Variants in IPCEF1 observed in about 807,000 individuals in gnomAD.
IPCEF1 encodes the protein interaction protein for cytohesin exchange factors 1, also known as interactor protein for cytohesin exchange factors 1.
Under a neutral mutation model 50.9 loss-of-function variants are expected in IPCEF1, and 31 were observed. That is an observed-to-expected ratio of 0.61 (90% CI 0.46 to 0.82). The LOEUF is 0.82. Among genes scored for constraint, IPCEF1 ranks in the 40% least tolerant of loss-of-function variants. The pLI is 0.00. For missense variants in IPCEF1, 458 were observed against 514.0 expected (o/e 0.89, Z 1.05); for synonymous variants, 181 against 192.0 (o/e 0.94, Z 0.47).
Position 154,157,856 on chromosome 6 carries a change from T to G in IPCEF1, c.*1972A>C, listed in dbSNP as rs1798777912. ...TCAGTAATTTCCAGGGGCAAAAGGTTAAAGCACTGCTTTCCTAAACCAGGG... is the reference window on the plus strand; with the variant it reads ...TCAGTAATTTCCAGGGGCAAAAGGTGAAAGCACTGCTTTCCTAAACCAGGG... On this transcript the variant is annotated 3_prime_UTR_variant, in exon 12 of 12. Transcript: ENST00000367220. The G allele has an allele frequency of 6.6e-6, 1 of 152,234 alleles. No homozygotes were observed. The highest frequency in any genetic ancestry group is 1.5e-5 in the Non-Finnish European group (1 of 68,050). The allele number at this position is 152,234 out of a possible 1,614,324, so 9.4% of individuals were successfully genotyped here. A position where few individuals can be genotyped will look rare whatever the true frequency, so the allele number is the denominator to read the frequency against.
chr6:154,252,785 G>A lies in IPCEF1; in HGVS notation c.37-5297C>T, dbSNP rs191320222. ...CAAGACCAATCCGAGTGGGTTGAGA[G>A]ATGAGTGGGAATTGAAGAAATAAAG... On this transcript the variant is annotated intron_variant, in intron 3 of 11. Coordinates refer to ENST00000367220, the MANE Select transcript of IPCEF1 (RefSeq NM_001130700.2). Among the ~76,000 whole-genome samples, 469 of 152,326 alleles carry A rather than the reference G, an allele frequency of 3.1e-3. 2 individuals carry two copies. Among genetic ancestry groups the A allele is most frequent in the Admixed American group, 5.6e-3 (86 of 15,308 alleles).
intron 7 of IPCEF1, among the ~76,000 whole-genome samples, chr6:154,216,035 C>T (rs1778365677): frequency 6.6e-6 from 1 of 152,026 alleles, no homozygotes; most frequent in African/African-American, 2.4e-5. Context: ...AACATGAAAA[C>T]TGATACAGCC....
At chr6:154,333,298 T>A (rs889161107) in intron 1 of IPCEF1, among the ~76,000 whole-genome samples, 2 of 151,858 alleles carry the variant, frequency 1.3e-5, no homozygotes, top group African/African-American at 4.8e-5. Flanking sequence ...GCAGATCCAC[T>A]CTTAATCTCG....
chr6:154,278,932 T>C (rs976336530), intron 2 of IPCEF1, among the ~76,000 whole-genome samples: 6 of 140,246 alleles, frequency 4.3e-5, no homozygotes, highest in Non-Finnish European at 9.2e-5. Context: ...CTGGGCAACA[T>C]GGTGAAACCC....
At chr6:154,233,116 G>A (rs1467135937) in intron 5 of IPCEF1, among the ~76,000 whole-genome samples, 2 of 151,958 alleles carry the variant, frequency 1.3e-5, no homozygotes. Context: ...TTACAGGCAT[G>A]TGCCGCCACG....
At chr6:154,229,577 C>T (rs965719557) in intron 5 of IPCEF1, among the ~76,000 whole-genome samples, 6 of 151,770 alleles carry the variant, frequency 4.0e-5, no homozygotes, top group Admixed American at 3.3e-4. Flanking sequence ...AGGACGGTCT[C>T]GATCTCCTGA....
intron 1 of IPCEF1, among the ~76,000 whole-genome samples, chr6:154,337,184 C>G (rs547886794): frequency 2.6e-5 from 4 of 152,156 alleles, no homozygotes; most frequent in African/African-American, 9.6e-5. Flanking sequence ...AATTATAAAA[C>G]AGCCAGAGCT....
intron 3 of IPCEF1, among the ~76,000 whole-genome samples, chr6:154,258,883 A>G (rs1458265523): frequency 6.6e-6 from 1 of 152,238 alleles, no homozygotes; most frequent in Non-Finnish European, 1.5e-5. Flanking sequence ...CACCTAGCCC[A>G]ATGACTGACA....
chr6:154,249,988 C>G (rs1433821448), intron 3 of IPCEF1, among the ~76,000 whole-genome samples: 1 of 151,332 alleles, frequency 6.6e-6, no homozygotes, highest in African/African-American at 2.4e-5. Context: ...GACAATAATT[C>G]TCTTAAAGCA....
At position 154,214,242 on chromosome 6, in the gene IPCEF1, G is replaced by T. The variant is rs1014816111; in HGVS notation, c.427C>A (p.Gln143Lys). The change falls in exon 8 of 12, where the codon CAG becomes AAG. Residue 143 changes from glutamine (Q) to lysine (K), a missense_variant. Transcript: ENST00000367220. ...LNKLGSAVIH[Q>K]ESTTKDEECY... The stretch of plus-strand genomic sequence containing the variant: ...CCTTCATCCTTTGTAGTGGATTCCT[G>T]ATGGATTACAGCCGATCCAAGTTTA... 5.0e-6 allele frequency: 8 copies of T among 1,610,742 alleles called. No homozygotes were observed. The highest frequency in any genetic ancestry group is 6.8e-6 in the Non-Finnish European group (8 of 1,176,982).
intron 1 of IPCEF1, among the ~76,000 whole-genome samples, chr6:154,298,693 G>T (rs896210814): frequency 6.6e-6 from 1 of 152,246 alleles, no homozygotes; most frequent in Non-Finnish European, 1.5e-5. Flanking sequence ...GCTGGGCGCA[G>T]TGGCTCACAC....
At chr6:154,260,089 A>G (rs1315126404) in intron 3 of IPCEF1, among the ~76,000 whole-genome samples, 1 of 152,256 alleles carries the variant, frequency 6.6e-6, no homozygotes, top group Admixed American at 6.5e-5. Context: ...ACATAGTCAC[A>G]TAAAGACCGA....
chr6:154,222,895 G>T (rs931570750), intron 6 of IPCEF1: 31 of 450,696 alleles, frequency 6.9e-5, no homozygotes, highest in South Asian at 2.6e-4. Context: ...CAGTCCTGGA[G>T]GGGGTTTATT....
chr6:154,258,827 A>C (rs1363556989), intron 3 of IPCEF1, among the ~76,000 whole-genome samples: 1 of 152,254 alleles, frequency 6.6e-6, no homozygotes, highest in African/African-American at 2.4e-5. Flanking sequence ...CCAAGACTTC[A>C]AGACAGAATT....
At chr6:154,205,334 C>A (rs1423814393) in intron 9 of IPCEF1, among the ~76,000 whole-genome samples, 2 of 152,130 alleles carry the variant, frequency 1.3e-5, no homozygotes, top group Non-Finnish European at 2.9e-5. Flanking sequence ...GAGGCTCATG[C>A]CTGTAATCTC....
At position 154,223,160 on chromosome 6, in the gene IPCEF1, G is replaced by C. The variant is rs1262999231; in HGVS notation, c.320+10C>G. The C allele has an allele frequency of 2.5e-6, 4 of 1,608,740 alleles. No homozygotes were observed. The highest frequency in any genetic ancestry group is 2.6e-6 in the Non-Finnish European group (3 of 1,175,444). ...GCTCAGAGTTTTGTGGAAGATGAGA[G>C]ACAACTTACTGCTTTTTCTTGCATT... On this transcript the variant is annotated intron_variant, in intron 6 of 11. Coordinates refer to ENST00000367220, the MANE Select transcript of IPCEF1 (RefSeq NM_001130700.2).
rs538054933 is a variant in IPCEF1 at position 154,288,894 on chromosome 6, T to A, written c.-18+819A>T. Among the ~76,000 whole-genome samples, 388 of 152,032 alleles carry A rather than the reference T, an allele frequency of 2.6e-3. 1 individual carries two copies. Among genetic ancestry groups the A allele is most frequent in the Non-Finnish European group, 3.7e-3 (252 of 67,978 alleles). Reference sequence around the variant, plus strand: ...GCTTGGGCAACATAACGAGACCCCCTCTTTACAAAAAATTTTAAAAATTAG... The same window carrying A: ...GCTTGGGCAACATAACGAGACCCCCACTTTACAAAAAATTTTAAAAATTAG... On this transcript the variant is annotated intron_variant, in intron 2 of 11. Coordinates refer to ENST00000367220, the MANE Select transcript of IPCEF1 (RefSeq NM_001130700.2).
intron 9 of IPCEF1, among the ~76,000 whole-genome samples, chr6:154,208,216 C>CT (rs34058499): frequency 0.54 from 81,642 of 151,842 alleles, 22,646 homozygotes; most frequent in East Asian, 0.69. Flanking sequence ...TCATTTCCTA[C>CT]TACTCTCATC....
intron 3 of IPCEF1, among the ~76,000 whole-genome samples, chr6:154,260,465 AG>A (rs1390030293): frequency 1.5e-5 from 2 of 129,154 alleles, no homozygotes; most frequent in African/African-American, 5.8e-5. Flanking sequence ...AATCTATCTA[AG>A]ACCAGAGAAC....
Sources: allele counts gnomAD v4.1 joint callset (sites outside exome capture counted in the v4.1 genomes callset), GRCh38; gene constraint gnomAD v4.1.1; transcripts MANE v1.5; gene names NCBI Gene and HGNC (gene_info 2026-07-23, HGNC 2026-07-21).